ADAM23: variants seen among roughly 807,000 people sequenced by gnomAD.
The protein encoded by ADAM23 is ADAM metallopeptidase domain 23, also known as disintegrin and metalloproteinase domain-containing protein 23.
A neutral mutation model predicts 120.1 loss-of-function variants in ADAM23; 33 were observed. That is an observed-to-expected ratio of 0.27 (90% CI 0.21 to 0.37). The LOEUF is 0.37. ADAM23 is among the 10% of genes least tolerant of loss of function. ADAM23 has a pLI of 1.00. For missense variants in ADAM23, 862 were observed against 1,058.2 expected, an observed-to-expected ratio of 0.81 and a Z score of 2.57; for synonymous variants, 367 against 375.2, an observed-to-expected ratio of 0.98 and a Z score of 0.25.
chr2:206,489,023 T>C (rs886435626), intron 3 of ADAM23, among the ~76,000 whole-genome samples: 4 of 152,208 alleles, frequency 2.6e-5, no homozygotes, highest in African/African-American at 9.6e-5. Context: ...AATGTTTTTT[T>C]CAGCTCTGCG....
chr2:206,519,355 CA>C (rs1243833996), intron 3 of ADAM23, among the ~76,000 whole-genome samples: 1 of 152,012 alleles, frequency 6.6e-6, no homozygotes, highest in African/African-American at 2.4e-5. Flanking sequence ...TAAAATTGTA[CA>C]TAATTTAGAA....
chr2:206,484,691 T>TGA (rs1695970097), intron 3 of ADAM23, among the ~76,000 whole-genome samples: 1 of 152,110 alleles, frequency 6.6e-6, no homozygotes. Flanking sequence ...CTAACTGCAG[T>TGA]GAGAGAGAGG....
At chr2:206,455,058 C>T (rs949706476) in intron 2 of ADAM23, among the ~76,000 whole-genome samples, 1 of 152,244 alleles carries the variant, frequency 6.6e-6, no homozygotes, top group African/African-American at 2.4e-5. Flanking sequence ...GAAGCTCCAA[C>T]CAAACATTTC....
chr2:206,609,722 A>G (rs967734372), intron 24 of ADAM23, 188 bp from the exon 25 acceptor site: 2 of 531,348 alleles, frequency 3.8e-6, no homozygotes, highest in African/African-American at 2.0e-5. Flanking sequence ...ATTTAAAGGC[A>G]TATAAATCCA....
At chr2:206,495,969 C>T (rs952281862) in intron 3 of ADAM23, among the ~76,000 whole-genome samples, 1 of 152,148 alleles carries the variant, frequency 6.6e-6, no homozygotes, top group Non-Finnish European at 1.5e-5. Context: ...AATATATATG[C>T]ACCCAATACA....
At position 206,567,224 on chromosome 2, in the gene ADAM23, G is replaced by T; in HGVS notation, c.1396G>T (p.Val466Leu). Reference sequence around the variant, plus strand: ...ATAGTTGATTCTTTGTTTCCTCAGGGTGTCCCATTCTCGAAAATTTTCAAA... The same window carrying T: ...ATAGTTGATTCTTTGTTTCCTCAGGTTGTCCCATTCTCGAAAATTTTCAAA... The part of the protein sequence containing the change: ...WGGCIMEETG[V>L]SHSRKFSKCS... Residue 466 changes from valine (V) to leucine (L), a missense_variant and splice_region_variant, in exon 15 of 26, where the codon GTG (valine) becomes TTG (leucine). Val to Leu is a conservative substitution (Grantham distance 32). Coordinates refer to ENST00000264377, the MANE Select transcript of ADAM23 (RefSeq NM_003812.4). The T allele has an allele frequency of 1.2e-6, 2 of 1,608,474 alleles. No individual in the cohort carries two copies. Among genetic ancestry groups the T allele is most frequent in the Non-Finnish European group, 1.7e-6 (2 of 1,175,582 alleles).
intron 14 of ADAM23, 24 bp from the exon 15 acceptor site, chr2:206,567,199 A>C (rs1479148656): frequency 1.3e-6 from 2 of 1,538,948 alleles, no homozygotes; most frequent in Non-Finnish European, 1.8e-6. Flanking sequence ...AATTATTTAC[A>C]TAGTTGATTC....
chr2:206,616,265 C>T (rs1698933204), intron 25 of ADAM23, among the ~76,000 whole-genome samples: 1 of 152,152 alleles, frequency 6.6e-6, no homozygotes, highest in Non-Finnish European at 1.5e-5. Context: ...GTTTCTTGGG[C>T]AGCATCAGCA....
intron 24 of ADAM23, chr2:206,606,639 A>C (rs529718699): frequency 7.2e-5 from 11 of 152,328 alleles, no homozygotes; most frequent in African/African-American, 2.6e-4. Flanking sequence ...TCACAGAAAT[A>C]CAGTTCTCCT....
Position 206,562,191 on chromosome 2 carries a change from T to C in ADAM23, c.1255-12T>C. On this transcript the variant is annotated splice_polypyrimidine_tract_variant and intron_variant, in intron 12 of 25. Transcript: ENST00000264377. ...CAAATGTCTCCCACACACTTTCAAC[T>C]CTGAAAAACAGTATGGTCTTCCAAT... 1 of 1,611,628 alleles carries C rather than the reference T, an allele frequency of 6.2e-7. No individual in the cohort carries two copies. Among genetic ancestry groups the C allele is most frequent in the South Asian group, 1.1e-5 (1 of 90,982 alleles).
intron 2 of ADAM23, among the ~76,000 whole-genome samples, chr2:206,454,758 C>T (rs940496760): frequency 3.9e-5 from 6 of 152,208 alleles, no homozygotes; most frequent in East Asian, 1.9e-4. Flanking sequence ...CATGCAAGTC[C>T]GAAACCTAGC....
At chr2:206,587,289 A>G (rs1698341169) in intron 18 of ADAM23, 36 bp from the exon 19 acceptor site, 1 of 1,512,162 alleles carries the variant, frequency 6.6e-7, no homozygotes, top group Non-Finnish European at 9.1e-7. Context: ...GGTACCTAGC[A>G]TGCTGAATAT....
chr2:206,544,803 G>A (rs758313331), intron 6 of ADAM23, among the ~76,000 whole-genome samples: 4 of 151,886 alleles, frequency 2.6e-5, no homozygotes, highest in African/African-American at 7.3e-5. Context: ...TAGTAGAGAC[G>A]GGATTTCACC....
chr2:206,612,352 A>G (rs1173914778), intron 25 of ADAM23, among the ~76,000 whole-genome samples: 2 of 152,240 alleles, frequency 1.3e-5, no homozygotes, highest in African/African-American at 4.8e-5. Context: ...ATTATTTGCT[A>G]TTTGAACTGA....
At chr2:206,541,962 A>T (rs985857274) in intron 4 of ADAM23, 90 bp from the exon 5 acceptor site, 40 of 1,319,990 alleles carry the variant, frequency 3.0e-5, no homozygotes, top group Non-Finnish European at 4.4e-5. Flanking sequence ...ATATATGCCC[A>T]TCCTTGCATT....
chr2:206,530,669 CT>C (rs56206262), intron 3 of ADAM23, among the ~76,000 whole-genome samples: 5,550 of 74,790 alleles, frequency 0.074, 53 homozygotes, highest in Non-Finnish European at 0.094. Context: ...TGTGTCTTGT[CT>C]TTTTTTTTTT....
intron 4 of ADAM23, among the ~76,000 whole-genome samples, chr2:206,531,584 CAA>C (rs1697063570): frequency 2.0e-5 from 3 of 152,188 alleles, no homozygotes; most frequent in South Asian, 2.1e-4. Context: ...TGGATTAAAG[CAA>C]GAGAGAGAGA....
intron 3 of ADAM23, among the ~76,000 whole-genome samples, chr2:206,513,379 TG>T (rs561363972): frequency 0.014 from 1,208 of 84,134 alleles, 7 homozygotes; most frequent in Non-Finnish European, 0.02. Context: ...AAAGTTTTAA[TG>T]TTCTGGATAG....
At chr2:206,461,209 C>CTATG (rs1695411769) in intron 2 of ADAM23, among the ~76,000 whole-genome samples, 1 of 151,610 alleles carries the variant, frequency 6.6e-6, no homozygotes, top group Non-Finnish European at 1.5e-5. Flanking sequence ...TGACAGGCCC[C>CTATG]CACCACCACA....
Sources: allele counts gnomAD v4.1 joint callset (sites outside exome capture counted in the v4.1 genomes callset), GRCh38; gene constraint gnomAD v4.1.1; transcripts MANE v1.5; gene names NCBI Gene and HGNC (gene_info 2026-07-23, HGNC 2026-07-21).